UBE2V2: variants seen among roughly 807,000 people sequenced by gnomAD.
UBE2V2 encodes ubiquitin-conjugating enzyme E2 variant 2.
In UBE2V2, 9 loss-of-function variants were observed where a neutral mutation model predicts 17.2. That is an observed-to-expected ratio of 0.52 (90% CI 0.32 to 0.91). UBE2V2 has a LOEUF of 0.91. Ranked by LOEUF, UBE2V2 falls within the 40% of genes least tolerant of loss-of-function variation. UBE2V2 has a pLI of 0.04. For synonymous variants in UBE2V2, 61 were observed against 57.5 expected (o/e 1.06, Z -0.28); for missense variants, 133 against 182.6 (o/e 0.73, Z 1.56).
chr8:48,006,772 C>T (rs1381042839), upstream of UBE2V2, among the ~76,000 whole-genome samples: 1 of 152,128 alleles, frequency 6.6e-6, no homozygotes, highest in Non-Finnish European at 1.5e-5. Context: ...ATAAACTAGG[C>T]ATTGATGGAA....
chr8:48,059,995 C>G (rs1802566353), intron 3 of UBE2V2, among the ~76,000 whole-genome samples: 1 of 151,884 alleles, frequency 6.6e-6, no homozygotes, highest in Admixed American at 6.6e-5. Context: ...CACTTGAGCT[C>G]AGGAGTTCAA....
intron 1 of UBE2V2, among the ~76,000 whole-genome samples, chr8:48,021,180 C>T (rs2091302473): frequency 6.6e-6 from 1 of 150,990 alleles, no homozygotes; most frequent in South Asian, 2.1e-4. Flanking sequence ...TGGGTTCAAG[C>T]AATTCTCCTG....
chr8:48,000,411 C>T, the UBE2V2 span, among the ~76,000 whole-genome samples: 1 of 152,190 alleles, frequency 6.6e-6, no homozygotes. Flanking sequence ...CAGTCTGCTG[C>T]AATGTGTTAT....
At chr8:48,036,474 C>T (rs761205017) in intron 1 of UBE2V2, among the ~76,000 whole-genome samples, 3 of 151,528 alleles carry the variant, frequency 2.0e-5, no homozygotes, top group Non-Finnish European at 3.0e-5. Flanking sequence ...CACTCTGTCA[C>T]TGAGGCAGGA....
intron 1 of UBE2V2, among the ~76,000 whole-genome samples, chr8:48,035,643 G>T (rs1417383645): frequency 3.2e-4 from 42 of 131,136 alleles, no homozygotes; most frequent in African/African-American, 1.1e-3. Context: ...GTGTGTGTGT[G>T]TGTGTGTGTG....
intron 1 of UBE2V2, among the ~76,000 whole-genome samples, chr8:48,033,484 C>T (rs555405218): frequency 2.0e-5 from 3 of 152,060 alleles, no homozygotes; most frequent in Non-Finnish European, 4.4e-5. Context: ...CCACACCTGG[C>T]TCATTCCTTG....
chr8:48,007,246 G>A (rs2091190424), upstream of UBE2V2, among the ~76,000 whole-genome samples: 1 of 152,070 alleles, frequency 6.6e-6, no homozygotes, highest in Non-Finnish European at 1.5e-5. Flanking sequence ...CATAGTATTG[G>A]AAGTTCTGGC....
intron 1 of UBE2V2, among the ~76,000 whole-genome samples, chr8:48,018,640 T>C (rs1313154703): frequency 6.6e-6 from 1 of 152,190 alleles, no homozygotes; most frequent in Non-Finnish European, 1.5e-5. Flanking sequence ...TGTTGAATGG[T>C]ATGTTCTGTG....
chr8:48,035,948 C>CTTT (rs780718248), intron 1 of UBE2V2, among the ~76,000 whole-genome samples: 6 of 121,698 alleles, frequency 4.9e-5, no homozygotes, highest in Non-Finnish European at 6.9e-5. Context: ...CCTTGCCTTT[C>CTTT]TTTTTTTTTT....
At chr8:48,020,426 G>T (rs967004118) in intron 1 of UBE2V2, among the ~76,000 whole-genome samples, 2 of 152,054 alleles carry the variant, frequency 1.3e-5, no homozygotes, top group Non-Finnish European at 2.9e-5. Context: ...GCAGCATATA[G>T]TTGGGTCTTG....
chr8:48,029,310 C>T (rs2091367337), intron 1 of UBE2V2, among the ~76,000 whole-genome samples: 1 of 152,194 alleles, frequency 6.6e-6, no homozygotes, highest in African/African-American at 2.4e-5. Flanking sequence ...GCCTGGGCAA[C>T]AGAGTAAGAC....
At chr8:48,041,793 T>C (rs2091465845) in intron 1 of UBE2V2, 1 of 151,450 alleles carries the variant, frequency 6.6e-6, no homozygotes, top group East Asian at 1.9e-4. Context: ...GTGTAAACAC[T>C]CTTCTTTTTT....
intron 3 of UBE2V2, among the ~76,000 whole-genome samples, chr8:48,053,745 A>G (rs986800469): frequency 1.3e-5 from 2 of 150,616 alleles, no homozygotes; most frequent in Non-Finnish European, 3.0e-5. Context: ...TCTTATTAGT[A>G]CAAAGACTAC....
intron 1 of UBE2V2, among the ~76,000 whole-genome samples, chr8:48,037,344 G>C (rs1563855258): frequency 6.6e-6 from 1 of 152,268 alleles, no homozygotes; most frequent in Non-Finnish European, 1.5e-5. Flanking sequence ...AGGAAGCAAA[G>C]TGATAGGATT....
intron 3 of UBE2V2, among the ~76,000 whole-genome samples, chr8:48,051,221 A>G (rs893918607): frequency 1.3e-5 from 2 of 152,226 alleles, no homozygotes; most frequent in African/African-American, 2.4e-5. Flanking sequence ...CTGAATTTCC[A>G]GTATGAGTAG....
At chr8:47,997,976 G>A in the UBE2V2 span, among the ~76,000 whole-genome samples, 7 of 151,930 alleles carry the variant, frequency 4.6e-5, no homozygotes, top group African/African-American at 1.7e-4. Context: ...TGGAGCGGGC[G>A]AGGATAATTT....
At chr8:48,054,238 A>G (rs558048110) in intron 3 of UBE2V2, among the ~76,000 whole-genome samples, 6 of 152,282 alleles carry the variant, frequency 3.9e-5, no homozygotes, top group Admixed American at 6.5e-5. Context: ...GCCCCTTTCC[A>G]TGGACACACC....
intron 2 of UBE2V2, 165 bp from the exon 3 acceptor site, chr8:48,049,688 C>T: frequency 2.0e-6 from 1 of 506,376 alleles, no homozygotes; most frequent in Non-Finnish European, 3.2e-6. Flanking sequence ...CATTTTTTCT[C>T]ACCATATAGG....
At chr8:48,014,625 A>G (rs983217072) in intron 1 of UBE2V2, among the ~76,000 whole-genome samples, 2 of 148,660 alleles carry the variant, frequency 1.3e-5, no homozygotes, top group African/African-American at 5.0e-5. Flanking sequence ...AGTCTGGGCA[A>G]CAGAGAGAGA....
Sources: gnomAD v4.1 joint callset for allele counts (sites outside exome capture counted in the v4.1 genomes callset) on GRCh38, gnomAD v4.1.1 for gene constraint, MANE v1.5 for transcripts, NCBI Gene and HGNC (gene_info 2026-07-23, HGNC 2026-07-21) for gene names.